SCG5: variants seen among roughly 807,000 people sequenced by gnomAD.
SCG5 encodes the protein secretogranin V, also known as neuroendocrine protein 7B2.
Under a neutral mutation model 25.7 loss-of-function variants are expected in SCG5, and 18 were observed. The observed-to-expected ratio is 0.70, with a 90% CI of 0.48 to 1.04. SCG5 has a LOEUF of 1.04. Ranked by LOEUF, SCG5 falls within the 50% of genes least tolerant of loss-of-function variation. The pLI is 0.00. For missense variants in SCG5, 206 were observed against 259.8 expected, an observed-to-expected ratio of 0.79 and a Z score of 1.42; for synonymous variants, 101 against 91.7, an observed-to-expected ratio of 1.10 and a Z score of -0.58.
chr15:32,695,111 GTTCCTGCCA>G (rs2054932210), intron 5 of SCG5, among the ~76,000 whole-genome samples: 1 of 151,688 alleles, frequency 6.6e-6, no homozygotes, highest in Admixed American at 6.6e-5. Flanking sequence ...CGCCTCCCAG[GTTCCTGCCA>G]TTCTCCTGCC....
chr15:32,642,140 G>A (rs369219611), intron 1 of SCG5, among the ~76,000 whole-genome samples: 117 of 152,134 alleles, frequency 7.7e-4, no homozygotes, highest in African/African-American at 2.7e-3. Context: ...ATATCTAGTG[G>A]CTAGAAAAGG....
Position 32,696,576 on chromosome 15 carries a change from C to G in SCG5, c.606C>G (p.Pro202=). Residue 202 remains proline, a synonymous_variant, in exon 6 of 6, where the codon CCC becomes CCG. Coordinates refer to ENST00000300175, the MANE Select transcript of SCG5 (RefSeq NM_001144757.3). ...LDNVVAKKSV[P]HFSDEDKDPE ...ATGTTGTTGCAAAGAAGTCTGTCCC[C>G]CATTTTTCAGATGAGGATAAGGATC... is the stretch of plus-strand genomic sequence containing the variant. 1.2e-6 allele frequency: 2 copies of G among 1,612,928 alleles called. No individual in the cohort carries two copies. The highest frequency in any genetic ancestry group is 2.2e-5 in the East Asian group (1 of 44,890).
chr15:32,654,886 G>A (rs2054089763), intron 2 of SCG5, among the ~76,000 whole-genome samples: 1 of 152,178 alleles, frequency 6.6e-6, no homozygotes, highest in African/African-American at 2.4e-5. Context: ...TGTTATTCCA[G>A]TCAAGATTAT....
intron 3 of SCG5, among the ~76,000 whole-genome samples, chr15:32,683,124 C>T (rs915957941): frequency 1.6e-4 from 25 of 152,240 alleles, no homozygotes; most frequent in South Asian, 4.1e-4. Flanking sequence ...AGTGGAGAGC[C>T]GCATTAGGGA....
chr15:32,690,031 C>T (rs572383289), intron 4 of SCG5, among the ~76,000 whole-genome samples: 30 of 152,124 alleles, frequency 2.0e-4, no homozygotes, highest in African/African-American at 6.0e-4. Context: ...TTAGTAGAGA[C>T]GGGGTTTCAC....
At chr15:32,688,249 A>T (rs1213152213) in intron 4 of SCG5, among the ~76,000 whole-genome samples, 1 of 152,208 alleles carries the variant, frequency 6.6e-6, no homozygotes, top group Non-Finnish European at 1.5e-5. Flanking sequence ...TGACCACACC[A>T]ATGGCTGGCT....
At chr15:32,667,781 T>G (rs928648452) in intron 2 of SCG5, among the ~76,000 whole-genome samples, 2 of 151,998 alleles carry the variant, frequency 1.3e-5, no homozygotes, top group African/African-American at 4.8e-5. Flanking sequence ...CAAGTGATTC[T>G]CCTGCCTCAG....
chr15:32,663,225 A>G (rs2054268414), intron 2 of SCG5, among the ~76,000 whole-genome samples: 1 of 151,776 alleles, frequency 6.6e-6, no homozygotes, highest in Non-Finnish European at 1.5e-5. Flanking sequence ...TTTTTGGTAT[A>G]TTCACATAGT....
intron 5 of SCG5, chr15:32,692,101 G>A: frequency 8.7e-7 from 1 of 1,149,428 alleles, no homozygotes; most frequent in East Asian, 4.7e-5. Flanking sequence ...AGGGTCTGTA[G>A]GCCAGTGGGG....
chr15:32,659,205 A>G (rs1309291321), intron 2 of SCG5, among the ~76,000 whole-genome samples: 5 of 148,630 alleles, frequency 3.4e-5, no homozygotes, highest in African/African-American at 1.2e-4. Flanking sequence ...AAACCAAAAA[A>G]ACTGTCAGAG....
At chr15:32,695,595 T>C (rs1296131501) in intron 5 of SCG5, among the ~76,000 whole-genome samples, 3 of 151,926 alleles carry the variant, frequency 2.0e-5, no homozygotes, top group Non-Finnish European at 4.4e-5. Context: ...TTGCTTCAGT[T>C]TTTGAATTTG....
intron 3 of SCG5, among the ~76,000 whole-genome samples, chr15:32,680,329 G>T (rs2054597419): frequency 6.6e-6 from 1 of 151,666 alleles, no homozygotes; most frequent in Admixed American, 6.6e-5. Context: ...CCGAGTACCT[G>T]GGACTACAGG....
In SCG5 at chr15:32,643,540, T is replaced by A. The variant is rs201908391; in HGVS notation, c.-7-46T>A. 2.7e-3 allele frequency: 3,801 copies of A among 1,421,010 alleles called. 13 individuals carry two copies. The highest frequency in any genetic ancestry group is 7.6e-3 in the Middle Eastern group (43 of 5,638). 88.0% of individuals were successfully genotyped at this position (1,421,010 alleles called of 1,614,324 possible). On this transcript the variant is annotated intron_variant, in intron 1 of 5. Coordinates refer to ENST00000300175, the MANE Select transcript of SCG5 (RefSeq NM_001144757.3). ...CATCATTATAATTGTATTATCACAA[T>A]TGCCGATTGTAGCCTATCAGTATAC...
At chr15:32,658,107 C>T (rs2054155679) in intron 2 of SCG5, among the ~76,000 whole-genome samples, 1 of 152,108 alleles carries the variant, frequency 6.6e-6, no homozygotes. Flanking sequence ...AGTGCCGCAC[C>T]CCAGTGAGGT....
Position 32,650,879 on chromosome 15 carries a change from T to C in SCG5, c.226+7061T>C, listed in dbSNP as rs553397816. 1.9e-4 allele frequency among the ~76,000 whole-genome samples: 29 copies of C among 152,292 alleles called. No individual in the cohort carries two copies. The South Asian group carries it at 5.8e-3, about 30-fold the overall frequency. ...AGCATTTGATGGCTCTGAGTAATTT[T>C]AAATCCATATTGCCAAACATTAAAA... On this transcript the variant is annotated intron_variant, in intron 2 of 5. Transcript: ENST00000300175.
chr15:32,648,502 C>G (rs1284149896), intron 2 of SCG5, among the ~76,000 whole-genome samples: 4 of 152,052 alleles, frequency 2.6e-5, no homozygotes, highest in Admixed American at 2.6e-4. Flanking sequence ...TCCCATCGTA[C>G]CCTGAATAAA....
intron 2 of SCG5, among the ~76,000 whole-genome samples, chr15:32,671,901 G>T (rs1444010076): frequency 4.6e-5 from 7 of 152,070 alleles, no homozygotes. Context: ...CCCTTAGCCT[G>T]GGGAGCCTTG....
Position 32,654,777 on chromosome 15 carries a change from A to G in SCG5, c.226+10959A>G, listed in dbSNP as rs144569837. Reference sequence around the variant, plus strand: ...GTGTCTGTAGTGCCTAGACAAGGCCAGGCAAATAACACCCACTAAATATTT... The same window carrying G: ...GTGTCTGTAGTGCCTAGACAAGGCCGGGCAAATAACACCCACTAAATATTT... On this transcript the variant is annotated intron_variant, in intron 2 of 5. Coordinates refer to ENST00000300175, the MANE Select transcript of SCG5 (RefSeq NM_001144757.3). Among the ~76,000 whole-genome samples, 232 of 152,324 alleles carry G rather than the reference A, an allele frequency of 1.5e-3. 4 individuals carry two copies. The highest frequency in any genetic ancestry group is 9.1e-3 in the East Asian group (47 of 5,192).
chr15:32,680,722 C>T (rs1172165988), intron 3 of SCG5, among the ~76,000 whole-genome samples: 1 of 152,114 alleles, frequency 6.6e-6, no homozygotes, highest in Admixed American at 6.5e-5. Flanking sequence ...CAGGAGGTGG[C>T]ATGGGAGAGA....
Sources: gnomAD v4.1 joint callset for allele counts (sites outside exome capture counted in the v4.1 genomes callset) on GRCh38, gnomAD v4.1.1 for gene constraint, MANE v1.5 for transcripts, NCBI Gene and HGNC (gene_info 2026-07-23, HGNC 2026-07-21) for gene names.